DPP8: variants seen among roughly 807,000 people sequenced by gnomAD.
DPP8 encodes DPP VIII.
A neutral mutation model predicts 107.5 loss-of-function variants in DPP8; 31 were observed. The ratio of observed to expected loss-of-function variants is 0.29; its 90% CI spans 0.22 to 0.39. The LOEUF (loss-of-function observed/expected upper bound fraction) is 0.39, where lower values mean the gene tolerates loss of function less well. DPP8 is among the 10% of genes least tolerant of loss of function. DPP8 has a pLI of 1.00. For missense variants in DPP8, 842 were observed against 1,076.1 expected, an observed-to-expected ratio of 0.78 and a Z score of 3.04; for synonymous variants, 381 against 356.6, an observed-to-expected ratio of 1.07 and a Z score of -0.77.
chr15:65,469,990 A>T (rs1595922236), intron 12 of DPP8, among the ~76,000 whole-genome samples: 1 of 151,770 alleles, frequency 6.6e-6, no homozygotes, highest in Non-Finnish European at 1.5e-5. Context: ...TGACGTCAGG[A>T]GTTCGAGACC....
intron 15 of DPP8, among the ~76,000 whole-genome samples, chr15:65,462,801 G>C (rs576922726): frequency 6.6e-6 from 1 of 152,052 alleles, no homozygotes; most frequent in South Asian, 2.1e-4. Flanking sequence ...GGATGGTCTC[G>C]ATCTCCTGAC....
At chr15:65,448,559 C>G (rs970250144) in intron 19 of DPP8, among the ~76,000 whole-genome samples, 3 of 149,966 alleles carry the variant, frequency 2.0e-5, no homozygotes, top group Admixed American at 6.7e-5. Context: ...GTAGTCCCAG[C>G]TACTCGGGAG....
At position 65,456,583 on chromosome 15, in the gene DPP8, T is replaced by C. The variant is rs114628271; in HGVS notation, c.1972-212A>G. ...GTTCAGGGCAATTACTGAACAACCA[T>C]AGGCTTTAAAATTCTAACTTAAATA... On this transcript the variant is annotated intron_variant, in intron 15 of 19. Transcript: ENST00000300141. 3.0e-3 allele frequency among the ~76,000 whole-genome samples: 450 copies of C among 152,344 alleles called. 2 individuals are homozygous for C. Among genetic ancestry groups the C allele is most frequent in the African/African-American group, 0.01 (430 of 41,582 alleles).
chr15:65,477,811 C>T (rs1482022832), intron 11 of DPP8, among the ~76,000 whole-genome samples: 2 of 151,960 alleles, frequency 1.3e-5, no homozygotes, highest in Non-Finnish European at 2.9e-5. Context: ...GGATTACAGG[C>T]GTGAGCCACC....
intron 10 of DPP8, among the ~76,000 whole-genome samples, chr15:65,479,845 C>T (rs1329622023): frequency 5.5e-5 from 6 of 108,786 alleles, no homozygotes; most frequent in East Asian, 3.1e-4. Context: ...AGCGAGACTC[C>T]GTCTCAAAAA....
chr15:65,505,949 C>A (rs867854617), intron 3 of DPP8, among the ~76,000 whole-genome samples: 612 of 128,478 alleles, frequency 4.8e-3, no homozygotes, highest in Non-Finnish European at 5.2e-3. Context: ...GACTGTGTCT[C>A]AAAAAAAAAA....
chr15:65,451,134 G>T (rs775986794), intron 18 of DPP8, 24 bp from the exon 19 acceptor site: 1 of 1,413,508 alleles, frequency 7.1e-7, no homozygotes, highest in South Asian at 1.2e-5. Context: ...AATATTAGAG[G>T]ATTAGGCAAA....
intron 12 of DPP8, among the ~76,000 whole-genome samples, chr15:65,467,716 G>A (rs926644600): frequency 3.9e-5 from 6 of 152,094 alleles, no homozygotes; most frequent in Admixed American, 6.6e-5. Context: ...CTGCCCTGAA[G>A]GAAAAAGGAC....
At chr15:65,469,785 G>A (rs1280611573) in intron 12 of DPP8, among the ~76,000 whole-genome samples, 7 of 151,724 alleles carry the variant, frequency 4.6e-5, no homozygotes, top group South Asian at 4.2e-4. Flanking sequence ...GCAGTGGGCC[G>A]AGATCGTACC....
At position 65,472,850 on chromosome 15, in the gene DPP8, G is replaced by A. The variant is rs139735372; in HGVS notation, c.1536+1359C>T. The stretch of plus-strand genomic sequence containing the variant: ...AGCTCAGGAGTTTGAGACCAGCCTG[G>A]GCAACATGGCGGAATCCCGTCTACA... On this transcript the variant is annotated intron_variant, in intron 12 of 19. Transcript: ENST00000300141. Among the ~76,000 whole-genome samples the A allele has an allele frequency of 7.5e-3, 1,144 of 152,132 alleles. 14 individuals are homozygous for A. Among genetic ancestry groups the A allele is most frequent in the African/African-American group, 0.026 (1,094 of 41,496 alleles).
At position 65,445,386 on chromosome 15, in the gene DPP8, T is replaced by C. The variant is rs1421536515; in HGVS notation, c.*1498A>G. On this transcript the variant is annotated 3_prime_UTR_variant, in exon 20 of 20. Coordinates refer to ENST00000300141, the MANE Select transcript of DPP8 (RefSeq NM_130434.5). ...GCATCAAACTCATAGATGCCTTCCC[T>C]GCCACTGGTGTCAATGTGACCAATC... is the stretch of plus-strand genomic sequence containing the variant. 1 of 152,504 alleles carries C rather than the reference T, an allele frequency of 6.6e-6. No homozygotes were observed. Among genetic ancestry groups the C allele is most frequent in the Non-Finnish European group, 1.5e-5 (1 of 68,032 alleles). The allele number at this position is 152,504 out of a possible 1,614,324, so 9.4% of individuals were successfully genotyped here. A position where few individuals can be genotyped will look rare whatever the true frequency, so the allele number is the denominator to read the frequency against.
At chr15:65,507,382 T>C (rs759634710) in intron 2 of DPP8, 27 bp from the exon 3 acceptor site, 4 of 1,455,950 alleles carry the variant, frequency 2.7e-6, no homozygotes, top group Non-Finnish European at 3.8e-6. Flanking sequence ...TCATTTATTA[T>C]TATTTTTTCG....
chr15:65,452,188 C>A, intron 17 of DPP8, 86 bp from the exon 18 acceptor site: 2 of 1,454,004 alleles, frequency 1.4e-6, no homozygotes, highest in Non-Finnish European at 1.8e-6. Flanking sequence ...AATTTACAGT[C>A]TAAAATTATC....
chr15:65,451,761 C>G (rs1336729034), intron 18 of DPP8, among the ~76,000 whole-genome samples, 199 bp downstream of exon 18: 2 of 151,658 alleles, frequency 1.3e-5, no homozygotes, highest in Admixed American at 6.6e-5. Flanking sequence ...CCTGACTCTA[C>G]TAAAAATACA....
chr15:65,514,743 C>T (rs1022245360), intron 1 of DPP8, among the ~76,000 whole-genome samples: 2 of 152,148 alleles, frequency 1.3e-5, no homozygotes, highest in Admixed American at 6.5e-5. Context: ...AACTCCTGAC[C>T]TCATGATCCA....
intron 3 of DPP8, among the ~76,000 whole-genome samples, chr15:65,506,285 C>A (rs947731931): frequency 6.6e-6 from 1 of 151,742 alleles, no homozygotes; most frequent in Non-Finnish European, 1.5e-5. Flanking sequence ...GCCAAGACTG[C>A]GCCATTGAAC....
intron 8 of DPP8, among the ~76,000 whole-genome samples, chr15:65,482,024 G>A (rs1476535518): frequency 6.6e-6 from 1 of 151,412 alleles, no homozygotes; most frequent in African/African-American, 2.4e-5. Context: ...ATATATGTGT[G>A]TGTGTGTGTA....
At chr15:65,464,677 A>G (rs555952157) in intron 14 of DPP8, among the ~76,000 whole-genome samples, 1 of 152,260 alleles carries the variant, frequency 6.6e-6, no homozygotes, top group Admixed American at 6.5e-5. Context: ...GCGACAGAAC[A>G]AGACACTGTC....
In DPP8 at chr15:65,463,949, T is replaced by A. The variant is rs201526280; in HGVS notation, c.1826-43A>T. On this transcript the variant is annotated intron_variant, in intron 14 of 19. Coordinates refer to ENST00000300141, the MANE Select transcript of DPP8 (RefSeq NM_130434.5). The stretch of plus-strand genomic sequence containing the variant: ...AACAGAGTCTACAAAAGAGTTCTTA[T>A]GGGAGTGCTACAATCTGGGAACAAG... The A allele has an allele frequency of 1.1e-3, 1,519 of 1,416,196 alleles. 32 individuals are homozygous for A. The South Asian group carries it at 0.022, about 20-fold the overall frequency. 87.7% of individuals were successfully genotyped at this position (1,416,196 alleles called of 1,614,324 possible). A position where few individuals can be genotyped will look rare whatever the true frequency, so the allele number is the denominator to read the frequency against.
Sources: gnomAD v4.1 joint callset for allele counts (sites outside exome capture counted in the v4.1 genomes callset) on GRCh38, gnomAD v4.1.1 for gene constraint, MANE v1.5 for transcripts, NCBI Gene and HGNC (gene_info 2026-07-23, HGNC 2026-07-21) for gene names.